ZNF443: variants seen among roughly 807,000 people sequenced by gnomAD.
ZNF443 encodes the protein zinc finger protein 443.
ZNF443 carries 3 observed loss-of-function variants against 12.0 expected under a neutral mutation model. The ratio of observed to expected loss-of-function variants is 0.25; its 90% CI spans 0.11 to 0.64. The LOEUF (loss-of-function observed/expected upper bound fraction) is 0.64. Ranked by LOEUF, ZNF443 falls within the 30% of genes least tolerant of loss-of-function variation. ZNF443 has a pLI of 0.84. For missense variants in ZNF443, 770 were observed against 808.8 expected (o/e 0.95, Z 0.58); for synonymous variants, 225 against 265.9 (o/e 0.85, Z 1.50).
chr19:12,434,694 C>T (rs1416315756), intron 1 of ZNF443, among the ~76,000 whole-genome samples: 1 of 151,758 alleles, frequency 6.6e-6, no homozygotes, highest in Non-Finnish European at 1.5e-5. Flanking sequence ...ACTATTAACA[C>T]AGAGACAAAT....
At chr19:12,440,779 A>T in intron 1 of ZNF443, 133 bp downstream of exon 1, 1 of 1,490,496 alleles carries the variant, frequency 6.7e-7, no homozygotes, top group East Asian at 2.3e-5. Context: ...CCGAGGGCCG[A>T]CCTACGCCAG....
At position 12,431,203 on chromosome 19, in the gene ZNF443, G is replaced by C. The variant is rs1568237150; in HGVS notation, c.969C>G (p.Ser323=). The change falls in exon 4 of 4, where the codon TCC becomes TCG. Residue 323 remains serine, a synonymous_variant. Coordinates refer to ENST00000301547, the MANE Select transcript of ZNF443 (RefSeq NM_005815.5). ...TGTGAGTGGTTTCATGTCTTTGAAG[G>C]GAACCGGAAACACTGAAGGCTTTCC... ...QCGKAFSVSG[S]LQRHETTHSA... 6.2e-7 allele frequency: 1 copy of C among 1,613,682 alleles called. No homozygotes were observed. The highest frequency in any genetic ancestry group is 1.3e-5 in the African/African-American group (1 of 74,822).
intron 1 of ZNF443, among the ~76,000 whole-genome samples, chr19:12,440,631 G>C (rs772785671): frequency 8.5e-5 from 13 of 152,220 alleles, no homozygotes; most frequent in African/African-American, 1.2e-4. Flanking sequence ...ACCTGTGTTG[G>C]TTACAGCCGC....
chr19:12,436,778 C>G (rs929471685), intron 1 of ZNF443, among the ~76,000 whole-genome samples: 1 of 132,614 alleles, frequency 7.5e-6, no homozygotes, highest in African/African-American at 3.0e-5. Flanking sequence ...CACACACACA[C>G]ACACAAATAT....
chr19:12,439,622 G>A (rs1313431457), intron 1 of ZNF443, among the ~76,000 whole-genome samples: 1 of 152,028 alleles, frequency 6.6e-6, no homozygotes, highest in East Asian at 1.9e-4. Flanking sequence ...GAGTAGCTGC[G>A]ACTACAGGTG....
chr19:12,431,334 G>C lies in ZNF443; in HGVS notation c.838C>G (p.Pro280Ala). Residue 280 changes from proline (P) to alanine (A), a missense_variant, in exon 4 of 4, where the codon CCA becomes GCA. Around this residue, in one of 3 missense-constraint regions of ZNF443, gnomAD observed 736 missense variants for 689.4 expected, o/e 1.07. Coordinates refer to ENST00000301547, the MANE Select transcript of ZNF443 (RefSeq NM_005815.5). Reference sequence around the variant, plus strand: ...TTAGAACACTGCTTACATTTATATGGTTTCTCCCCAGTATGTGTTCTTTCA... The same window carrying C: ...TTAGAACACTGCTTACATTTATATGCTTTCTCCCCAGTATGTGTTCTTTCA... ...RHERTHTGEK[P>A]YKCKQCSKAF... The C allele has an allele frequency of 6.2e-7, 1 of 1,614,050 alleles. No individual in the cohort carries two copies. Among genetic ancestry groups the C allele is most frequent in the Non-Finnish European group, 8.5e-7 (1 of 1,179,952 alleles).
At chr19:12,436,296 T>C (rs1970307797) in intron 1 of ZNF443, among the ~76,000 whole-genome samples, 1 of 146,282 alleles carries the variant, frequency 6.8e-6, no homozygotes, top group South Asian at 2.3e-4. Flanking sequence ...GCCTGGCCAA[T>C]GTGGTGAAAC....
intron 1 of ZNF443, among the ~76,000 whole-genome samples, chr19:12,438,914 A>G (rs1440448975): frequency 6.6e-6 from 1 of 152,200 alleles, no homozygotes; most frequent in African/African-American, 2.4e-5. Flanking sequence ...GATGTATTTC[A>G]CGGTTAATCA....
intron 1 of ZNF443, among the ~76,000 whole-genome samples, chr19:12,433,900 C>T (rs543283726): frequency 1.3e-5 from 2 of 151,538 alleles, no homozygotes; most frequent in Non-Finnish European, 2.9e-5. Flanking sequence ...TTCTGAGGGT[C>T]TGGACCTCAT....
chr19:12,431,063 C>T lies in ZNF443; in HGVS notation c.1109G>A (p.Cys370Tyr). 2 of 1,614,104 alleles carry T rather than the reference C, an allele frequency of 1.2e-6. No homozygotes were observed. Among genetic ancestry groups the T allele is most frequent in the South Asian group, 1.1e-5 (1 of 91,072 alleles). ...ACTAGGACAATCAAAGCCTTTCCCA[C>T]ATATCTTACATTTATGAGGTCCATT... Reference protein sequence around the residue: ...TGNGPHKCKICGKGFDCPSSL... With the variant: ...TGNGPHKCKIYGKGFDCPSSL... Residue 370 changes from cysteine to tyrosine, a missense_variant, in exon 4 of 4, where the codon TGT (cysteine) becomes TAT (tyrosine). Physicochemically the swap from Cys to Tyr is radical, Grantham distance 194. Coordinates refer to ENST00000301547, the MANE Select transcript of ZNF443 (RefSeq NM_005815.5).
At chr19:12,435,165 G>A (rs1970296355) in intron 1 of ZNF443, among the ~76,000 whole-genome samples, 3 of 152,006 alleles carry the variant, frequency 2.0e-5, no homozygotes, top group African/African-American at 7.2e-5. Flanking sequence ...TACTAGAGAC[G>A]GGGTTTCACC....
In ZNF443 at chr19:12,431,233, T is replaced by C. The variant is rs1455638960; in HGVS notation, c.939A>G (p.Gln313=). ...CGGAAACACTGAAGGCTTTCCCACA[T>C]TGTTTACATGTATAGGGTTTCTCTC... is the stretch of plus-strand genomic sequence containing the variant. ...HTGEKPYTCK[Q]CGKAFSVSGS... Residue 313 remains glutamine (Q), a synonymous_variant, in exon 4 of 4, where the codon CAA becomes CAG. Transcript: ENST00000301547. The C allele has an allele frequency of 1.2e-6, 2 of 1,613,146 alleles. No individual in the cohort carries two copies. Among genetic ancestry groups the C allele is most frequent in the East Asian group, 2.2e-5 (1 of 44,800 alleles).
chr19:12,440,883 G>C (rs770579168), intron 1 of ZNF443, 29 bp downstream of exon 1: 10 of 1,613,880 alleles, frequency 6.2e-6, no homozygotes, highest in Non-Finnish European at 8.5e-6. Context: ...CCCCTCCCCC[G>C]CCTCGGGACG....
At chr19:12,437,954 A>T (rs1166542505) in intron 1 of ZNF443, among the ~76,000 whole-genome samples, 10 of 151,736 alleles carry the variant, frequency 6.6e-5, no homozygotes, top group Admixed American at 4.6e-4. Context: ...AAAAAAAATT[A>T]GCCAGGCATG....
Position 12,431,139 on chromosome 19 carries a change from C to T in ZNF443, c.1033G>A (p.Ala345Thr). Reference sequence around the variant, plus strand: ...TGAAAGCTTCCCAGATGATGAAACGCTTTCCCACATTGCTGACATGCATAG... The same window carrying T: ...TGAAAGCTTCCCAGATGATGAAACGTTTTCCCACATTGCTGACATGCATAG... ...KPYACQQCGK[A>T]FHHLGSFQRH... Residue 345 changes from alanine to threonine, a missense_variant, in exon 4 of 4, where the codon GCG becomes ACG. This residue lies in a region of ZNF443 where 736 missense variants were observed against 689.4 expected (regional missense o/e 1.07). Coordinates refer to ENST00000301547, the MANE Select transcript of ZNF443 (RefSeq NM_005815.5). 13 of 1,614,078 alleles carry T rather than the reference C, an allele frequency of 8.1e-6. No homozygotes were observed. Among genetic ancestry groups the T allele is most frequent in the Non-Finnish European group, 1.1e-5 (13 of 1,179,952 alleles).
At chr19:12,438,762 T>C (rs1214580819) in intron 1 of ZNF443, among the ~76,000 whole-genome samples, 1 of 152,078 alleles carries the variant, frequency 6.6e-6, no homozygotes, top group Non-Finnish European at 1.5e-5. Flanking sequence ...AAAAATGGAA[T>C]AGAAGATTAC....
rs62110660 is a variant in ZNF443 at position 12,433,052 on chromosome 19, A to G, written c.130+19T>C. The G allele has an allele frequency of 0.25, 374,042 of 1,525,472 alleles. 9,779 individuals are homozygous for G. Among genetic ancestry groups the G allele is most frequent in the South Asian group, 0.38 (33,248 of 87,850 alleles). The allele number at this position is 1,525,472 out of a possible 1,614,324, so 94.5% of individuals were successfully genotyped here. On this transcript the variant is annotated intron_variant, in intron 2 of 3. Transcript: ENST00000301547. Reference sequence around the variant, plus strand: ...AAATGTCTCCAATTAAATAAGTGGAAATGCGATGTCATCCTTACCTACACA... The same window carrying G: ...AAATGTCTCCAATTAAATAAGTGGAGATGCGATGTCATCCTTACCTACACA...
intron 1 of ZNF443, among the ~76,000 whole-genome samples, chr19:12,434,862 GAGACA>G: frequency 6.6e-6 from 1 of 151,464 alleles, no homozygotes; most frequent in Non-Finnish European, 1.5e-5. Context: ...ACTAACTCTA[GAGACA>G]GCAGATCAGA....
Position 12,431,726 on chromosome 19 carries a change from G to A in ZNF443, c.446C>T (p.Ala149Val). The change falls in exon 4 of 4, where the codon GCC becomes GTC. Residue 149 changes from alanine to valine, a missense_variant. Physicochemically the swap from Ala to Val is moderately conservative, Grantham distance 64 (BLOSUM62 0). Around this residue, in one of 3 missense-constraint regions of ZNF443, gnomAD observed 736 missense variants for 689.4 expected, o/e 1.07. Transcript: ENST00000301547. ...TTGAAATGAGTTGTGGTAACTGAAG[G>A]CTTTCCCACGTTGTTTATGCGTATC... ...KPDTHKQRGK[A>V]FSYHNSFQTH... 6.2e-7 allele frequency: 1 copy of A among 1,614,126 alleles called. No individual in the cohort carries two copies. Among genetic ancestry groups the A allele is most frequent in the Non-Finnish European group, 8.5e-7 (1 of 1,180,002 alleles).
Sources: gnomAD v4.1 joint callset for allele counts (sites outside exome capture counted in the v4.1 genomes callset) on GRCh38, gnomAD v4.1.1 for gene constraint, gnomAD v4.1.1 regional missense constraint, MANE v1.5 for transcripts, NCBI Gene and HGNC (gene_info 2026-07-23, HGNC 2026-07-21) for gene names.